CDK5RAP2: variants seen among roughly 807,000 people sequenced by gnomAD.
CDK5RAP2 encodes the protein CDK5 regulatory subunit-associated protein 2.
In CDK5RAP2, 147 loss-of-function variants were observed where a neutral mutation model predicts 232.9. The ratio of observed to expected loss-of-function variants is 0.63; its 90% CI spans 0.55 to 0.72. CDK5RAP2 has a LOEUF of 0.72. Ranked by LOEUF, CDK5RAP2 falls within the 30% of genes least tolerant of loss-of-function variation. CDK5RAP2 has a pLI of 0.00. For missense variants in CDK5RAP2, 2,195 were observed against 2,231.5 expected (o/e 0.98, Z 0.33); for synonymous variants, 833 against 833.7 (o/e 1.00, Z 0.01).
rs1174149409 is a variant in CDK5RAP2, at chr9:120,550,919, A to C, written c.196-17T>G. The C allele has an allele frequency of 6.8e-7, 1 of 1,472,200 alleles. No individual in the cohort carries two copies. The highest frequency in any genetic ancestry group is 9.5e-7 in the Non-Finnish European group (1 of 1,050,656). The allele number at this position is 1,472,200 out of a possible 1,614,324, so 91.2% of individuals were successfully genotyped here. A position where few individuals can be genotyped will look rare whatever the true frequency, so the allele number is the denominator to read the frequency against. On this transcript the variant is annotated splice_polypyrimidine_tract_variant and intron_variant, in intron 3 of 37. Transcript: ENST00000349780. Reference sequence around the variant, plus strand: ...AGTGATTTGCTGAAAAATATCACAGAAGGGTCATCAAAAGCAAACAAAAGA... The same window carrying C: ...AGTGATTTGCTGAAAAATATCACAGCAGGGTCATCAAAAGCAAACAAAAGA...
intron 1 of CDK5RAP2, among the ~76,000 whole-genome samples, chr9:120,578,198 C>T (rs946979618): frequency 2.0e-5 from 3 of 152,072 alleles, no homozygotes; most frequent in African/African-American, 7.2e-5. Flanking sequence ...ACCCGGGAGG[C>T]GGAGGTTGAA....
At chr9:120,534,094 C>T (rs900019147) in intron 7 of CDK5RAP2, among the ~76,000 whole-genome samples, 8 of 152,178 alleles carry the variant, frequency 5.3e-5, no homozygotes, top group African/African-American at 1.7e-4. Flanking sequence ...CTTGTCATTC[C>T]CTGAAGCCCC....
intron 14 of CDK5RAP2, among the ~76,000 whole-genome samples, chr9:120,482,109 C>G (rs768008175): frequency 4.6e-5 from 7 of 152,104 alleles, no homozygotes; most frequent in Non-Finnish European, 1.0e-4. Flanking sequence ...CTAGTAACTG[C>G]TACAGTCAGA....
rs1457778859 is a variant in CDK5RAP2 at position 120,411,489 on chromosome 9, A to AT, written c.4298-16dup. ...GCTTGTAGAACCTATAAAAACACAC[A>AT]TAAAAACTGATTTATAAACAGTCTC... On this transcript the variant is annotated splice_polypyrimidine_tract_variant and intron_variant, in intron 28 of 37. Transcript: ENST00000349780. 3.0e-6 allele frequency: 4 copies of AT among 1,355,430 alleles called. No individual in the cohort carries two copies. Among genetic ancestry groups the AT allele is most frequent in the Middle Eastern group, 2.2e-4 (1 of 4,638 alleles). The allele number at this position is 1,355,430 out of a possible 1,614,324, so 84.0% of individuals were successfully genotyped here. A position where few individuals can be genotyped will look rare whatever the true frequency, so the allele number is the denominator to read the frequency against.
chr9:120,414,921 A>G, intron 28 of CDK5RAP2, 119 bp downstream of exon 28: 7 of 1,252,056 alleles, frequency 5.6e-6, no homozygotes, highest in Non-Finnish European at 8.1e-6. Context: ...GACTTCTCCA[A>G]GATGGAAAAA....
In CDK5RAP2 at chr9:120,542,573, G is replaced by A. The variant is rs142535932; in HGVS notation, c.383+3141C>T. Among the ~76,000 whole-genome samples, 349 of 151,568 alleles carry A rather than the reference G, an allele frequency of 2.3e-3. 2 individuals carry two copies. Among genetic ancestry groups the A allele is most frequent in the African/African-American group, 8.0e-3 (330 of 41,364 alleles). On this transcript the variant is annotated intron_variant, in intron 5 of 37. Transcript: ENST00000349780. ...GTCATTGAACAGATACACAGATACTGTGTATATACAAATATACAATTATCT... is the reference window on the plus strand; with the variant it reads ...GTCATTGAACAGATACACAGATACTATGTATATACAAATATACAATTATCT...
At chr9:120,402,193 T>G (rs1192520942) in intron 34 of CDK5RAP2, among the ~76,000 whole-genome samples, 1 of 151,756 alleles carries the variant, frequency 6.6e-6, no homozygotes, top group African/African-American at 2.4e-5. Flanking sequence ...CTTGGGAGGC[T>G]GAGGCAGGAG....
At chr9:120,410,359 A>G (rs1420614834) in intron 29 of CDK5RAP2, among the ~76,000 whole-genome samples, 1 of 151,976 alleles carries the variant, frequency 6.6e-6, no homozygotes, top group Non-Finnish European at 1.5e-5. Flanking sequence ...TCTTCCTTCT[A>G]TTTAAAAGGC....
At chr9:120,554,875 C>T (rs573844878) in intron 3 of CDK5RAP2, among the ~76,000 whole-genome samples, 11 of 152,220 alleles carry the variant, frequency 7.2e-5, no homozygotes, top group Middle Eastern at 6.8e-3. Context: ...TCGGGTGATT[C>T]TCCCACCTCA....
At chr9:120,498,697 T>C (rs937729940) in intron 12 of CDK5RAP2, among the ~76,000 whole-genome samples, 8 of 151,616 alleles carry the variant, frequency 5.3e-5, no homozygotes, top group Admixed American at 6.6e-5. Context: ...TTTAAAATTA[T>C]TTCAAAATAA....
intron 25 of CDK5RAP2, among the ~76,000 whole-genome samples, chr9:120,425,617 A>T (rs1178482625): frequency 6.6e-6 from 1 of 152,228 alleles, no homozygotes; most frequent in Non-Finnish European, 1.5e-5. Flanking sequence ...CTCTGCACTG[A>T]TCCATTCTGT....
intron 3 of CDK5RAP2, among the ~76,000 whole-genome samples, chr9:120,559,488 CAAAAAAAAAAAA>C (rs558274119): frequency 2.7e-4 from 13 of 48,884 alleles, no homozygotes; most frequent in Non-Finnish European, 4.7e-4. Flanking sequence ...GACTCTGTCT[CAAAAAAAAAAAA>C]AAAAAAAAGA....
At chr9:120,528,682 T>G in intron 9 of CDK5RAP2, 62 bp downstream of exon 9, 1 of 1,050,276 alleles carries the variant, frequency 9.5e-7, no homozygotes, top group Middle Eastern at 2.4e-4. Flanking sequence ...GCACTCAGAA[T>G]AAAACAAGAG....
intron 12 of CDK5RAP2, among the ~76,000 whole-genome samples, chr9:120,502,431 T>C (rs2039618452): frequency 3.3e-5 from 5 of 152,258 alleles, no homozygotes; most frequent in Non-Finnish European, 1.5e-5. Flanking sequence ...TTTTGATGTC[T>C]GGTTCAAGTT....
intron 11 of CDK5RAP2, among the ~76,000 whole-genome samples, chr9:120,522,854 T>C (rs535142497): frequency 2.0e-4 from 31 of 152,240 alleles, no homozygotes; most frequent in African/African-American, 7.2e-4. Flanking sequence ...CCCCAATACA[T>C]GGGGAAAAAA....
chr9:120,446,148 AAC>A lies in CDK5RAP2; in HGVS notation c.3025+1745_3025+1746del, dbSNP rs560346546. ...ATTCTGCCATCAAAGCACAAAAGCA[AAC>A]AGAGACAATATGCAAACAAATGGGT... is the stretch of plus-strand genomic sequence containing the variant. On this transcript the variant is annotated intron_variant, in intron 22 of 37. Transcript: ENST00000349780. 2.6e-5 allele frequency among the ~76,000 whole-genome samples: 4 copies of A among 152,366 alleles called. No homozygotes were observed. In the South Asian group the frequency reaches 8.3e-4, roughly 32 times the overall value.
intron 12 of CDK5RAP2, among the ~76,000 whole-genome samples, chr9:120,505,748 C>G (rs1418358452): frequency 6.6e-6 from 1 of 152,216 alleles, no homozygotes; most frequent in Non-Finnish European, 1.5e-5. Flanking sequence ...TCACAATATT[C>G]CCTTAAGCCA....
At chr9:120,529,202 A>G (rs1564343611) in intron 8 of CDK5RAP2, among the ~76,000 whole-genome samples, 1 of 152,256 alleles carries the variant, frequency 6.6e-6, no homozygotes, top group South Asian at 2.1e-4. Flanking sequence ...TGCTCCATGA[A>G]GAAACCAAGA....
rs138553167 is a variant in CDK5RAP2, at chr9:120,458,541, C to T, written c.2284G>A (p.Ala762Thr). Residue 762 changes from alanine to threonine, a missense_variant, in exon 20 of 38, where the codon GCC becomes ACC. Transcript: ENST00000349780. The part of the protein sequence containing the change: ...TESKISDCDG[A>T]HAPGCLEEGA... Reference sequence around the variant, plus strand: ...TCTTCTAGGCAGCCAGGTGCGTGGGCCCCATCACAATCTGAAATCTTAGAC... The same window carrying T: ...TCTTCTAGGCAGCCAGGTGCGTGGGTCCCATCACAATCTGAAATCTTAGAC... 6.2e-5 allele frequency: 100 copies of T among 1,613,976 alleles called. No individual in the cohort carries two copies. Among genetic ancestry groups the T allele is most frequent in the Non-Finnish European group, 8.3e-5 (98 of 1,179,966 alleles).
Sources: allele counts gnomAD v4.1 joint callset (sites outside exome capture counted in the v4.1 genomes callset), GRCh38; gene constraint gnomAD v4.1.1; transcripts MANE v1.5; gene names NCBI Gene and HGNC (gene_info 2026-07-23, HGNC 2026-07-21).